PKNOX2: variants seen among roughly 807,000 people sequenced by gnomAD.
The protein encoded by PKNOX2 is PBX/knotted 1 homeobox 2, also known as homeobox protein PKNOX2.
In PKNOX2, 14 loss-of-function variants were observed where a neutral mutation model predicts 53.1. The ratio of observed to expected loss-of-function variants is 0.26; its 90% CI spans 0.17 to 0.41. PKNOX2 has a LOEUF of 0.41. PKNOX2 is among the 10% of genes least tolerant of loss of function. PKNOX2 has a pLI of 1.00. For missense variants in PKNOX2, 496 were observed against 602.8 expected (o/e 0.82, Z 1.85); for synonymous variants, 257 against 242.8 (o/e 1.06, Z -0.54).
At chr11:125,390,511 T>A (rs1327849667) in intron 6 of PKNOX2, among the ~76,000 whole-genome samples, 2 of 152,252 alleles carry the variant, frequency 1.3e-5, no homozygotes, top group Non-Finnish European at 2.9e-5. Flanking sequence ...GTGAGGAAAT[T>A]ACAGCTTAGA....
rs1565462529 is a variant in PKNOX2, at chr11:125,178,681, AG to A, written c.-201+13906del. 3.7e-4 allele frequency among the ~76,000 whole-genome samples: 22 copies of A among 59,996 alleles called. 1 individual carries two copies. Among genetic ancestry groups the A allele is most frequent in the African/African-American group, 1.2e-3 (14 of 12,162 alleles). The allele number at this position is 59,996 out of a possible 152,430, so 39.4% of individuals were successfully genotyped here. On this transcript the variant is annotated intron_variant, in intron 1 of 12. Coordinates refer to ENST00000298282, the MANE Select transcript of PKNOX2 (RefSeq NM_001382323.2). ...AGGAAGGAAGGAAGGAAAGAAAGAG[AG>A]AGAGAGAGAGAGAGAGAAAGAAAGA...
intron 2 of PKNOX2, among the ~76,000 whole-genome samples, chr11:125,291,271 C>G (rs1326018013): frequency 6.6e-6 from 1 of 152,164 alleles, no homozygotes; most frequent in Non-Finnish European, 1.5e-5. Context: ...GGTCCTTCTC[C>G]CAGCAGCTGG....
In PKNOX2 at chr11:125,233,210, C is replaced by T. The variant is rs569002672; in HGVS notation, c.-200-1835C>T. On this transcript the variant is annotated intron_variant, in intron 1 of 12. Transcript: ENST00000298282. ...ATCTAGCCCTCCAGCACAGTAACTG[C>T]TTTTCTCAGCTTTGCATCATGTGCA... Among the ~76,000 whole-genome samples the T allele has an allele frequency of 9.8e-5, 15 of 152,292 alleles. 1 individual carries two copies. In the South Asian group the frequency reaches 3.1e-3, roughly 32 times the overall value.
intron 6 of PKNOX2, among the ~76,000 whole-genome samples, chr11:125,389,979 G>A (rs1037615881): frequency 2.6e-5 from 4 of 152,272 alleles, no homozygotes; most frequent in Non-Finnish European, 5.9e-5. Context: ...GGCACCTGAA[G>A]GAATCAGGCC....
chr11:125,231,728 G>C (rs1473706829), intron 1 of PKNOX2, among the ~76,000 whole-genome samples: 1 of 152,074 alleles, frequency 6.6e-6, no homozygotes, highest in African/African-American at 2.4e-5. Flanking sequence ...TGGGGGGTGT[G>C]TGTGTGTGTG....
chr11:125,424,586 C>T (rs957907569), intron 10 of PKNOX2, among the ~76,000 whole-genome samples: 4 of 152,142 alleles, frequency 2.6e-5, no homozygotes, highest in Admixed American at 1.3e-4. Flanking sequence ...TCTGGTGCAG[C>T]GCTGCTGATG....
chr11:125,345,161 G>A lies in PKNOX2; in HGVS notation c.-22-6123G>A, dbSNP rs1170441741. 4.6e-5 allele frequency among the ~76,000 whole-genome samples: 7 copies of A among 152,174 alleles called. 1 individual carries two copies. The highest frequency in any genetic ancestry group is 1.4e-4 in the African/African-American group (6 of 41,454). On this transcript the variant is annotated intron_variant, in intron 3 of 12. Coordinates refer to ENST00000298282, the MANE Select transcript of PKNOX2 (RefSeq NM_001382323.2). ...CAGCACCCACAGTCCCTGGGGTGAA[G>A]AGGCAGGCGAGGGTGTTTGCTGTGC...
At chr11:125,353,950 G>A (rs1362218267) in intron 4 of PKNOX2, among the ~76,000 whole-genome samples, 1 of 152,136 alleles carries the variant, frequency 6.6e-6, no homozygotes, top group Non-Finnish European at 1.5e-5. Context: ...GGGAGCTGGG[G>A]GATGCCCCCA....
chr11:125,189,187 C>G (rs1284926196), intron 1 of PKNOX2, among the ~76,000 whole-genome samples: 1 of 151,256 alleles, frequency 6.6e-6, no homozygotes, highest in Non-Finnish European at 1.5e-5. Flanking sequence ...TTCCATCCAG[C>G]TTGGAGCAGG....
chr11:125,365,920 C>T (rs966791766), intron 4 of PKNOX2, among the ~76,000 whole-genome samples: 25 of 152,198 alleles, frequency 1.6e-4, no homozygotes, highest in African/African-American at 4.1e-4. Flanking sequence ...GTGCCCAGCA[C>T]GGTGCCTGGT....
Position 125,166,054 on chromosome 11 carries a change from G to A in PKNOX2, c.-201+1278G>A, listed in dbSNP as rs550049038. Among the ~76,000 whole-genome samples the A allele has an allele frequency of 1.3e-5, 2 of 152,068 alleles. No homozygotes were observed. The highest frequency in any genetic ancestry group is 2.9e-5 in the Non-Finnish European group (2 of 68,016). ...GTGGATCGGCCTGAATTAGGGCTGG[G>A]TTTTAGGACCAGTCTAGAGTTCGGT... On this transcript the variant is annotated intron_variant, in intron 1 of 12. Transcript: ENST00000298282. The surrounding 1 kb of genome is among the most constrained non-coding windows in gnomAD (Gnocchi z 4.0).
intron 1 of PKNOX2, among the ~76,000 whole-genome samples, chr11:125,201,800 C>T (rs1938471006): frequency 6.6e-6 from 1 of 152,214 alleles, no homozygotes; most frequent in African/African-American, 2.4e-5. Flanking sequence ...CTCAGGCACT[C>T]CTGGCTCCTT....
intron 5 of PKNOX2, among the ~76,000 whole-genome samples, chr11:125,384,759 G>A (rs556995810): frequency 9.3e-5 from 14 of 151,252 alleles, no homozygotes; most frequent in East Asian, 2.0e-4. Context: ...AGAACCCCCC[G>A]CCCCGACCAC....
chr11:125,432,635 A>AAGG lies in PKNOX2; in HGVS notation c.*1253_*1255dup, dbSNP rs376748022. On this transcript the variant is annotated 3_prime_UTR_variant, in exon 13 of 13. Transcript: ENST00000298282. ...GCCCTGGAGGAACTGGGGCTCCTGG[A>AAGG]AGGAGGAGGAGGCTCTCCACTGTCC... 1.4e-4 allele frequency: 21 copies of AAGG among 152,894 alleles called. No homozygotes were observed. Among genetic ancestry groups the AAGG allele is most frequent in the African/African-American group, 4.3e-4 (18 of 41,586 alleles). The allele number at this position is 152,894 out of a possible 1,614,324, so 9.5% of individuals were successfully genotyped here.
intron 2 of PKNOX2, among the ~76,000 whole-genome samples, chr11:125,299,867 C>A (rs1306951930): frequency 2.0e-5 from 3 of 152,212 alleles, no homozygotes; most frequent in Non-Finnish European, 4.4e-5. Flanking sequence ...AGCTGTGGAA[C>A]AAACCAAAAG....
chr11:125,260,648 G>T (rs983800292), intron 2 of PKNOX2, among the ~76,000 whole-genome samples: 1 of 152,170 alleles, frequency 6.6e-6, no homozygotes, highest in Admixed American at 6.5e-5. Context: ...TGGGGGTGAC[G>T]TCTCCCTAGT....
chr11:125,296,013 C>G (rs749920661), intron 2 of PKNOX2, among the ~76,000 whole-genome samples: 1 of 152,120 alleles, frequency 6.6e-6, no homozygotes, highest in Non-Finnish European at 1.5e-5. Context: ...GGTGGGGTCC[C>G]CCTGACTCCT....
At chr11:125,191,314 G>T (rs1366793070) in intron 1 of PKNOX2, 2 of 152,196 alleles carry the variant, frequency 1.3e-5, no homozygotes, top group African/African-American at 2.4e-5. Flanking sequence ...GCTACTGCCT[G>T]TGTGTTGATT....
chr11:125,319,814 T>C lies in PKNOX2; in HGVS notation c.-129-12005T>C, dbSNP rs145797470. 7.4e-4 allele frequency among the ~76,000 whole-genome samples: 113 copies of C among 152,300 alleles called. No individual in the cohort carries two copies. In the East Asian group the frequency reaches 0.018, roughly 24 times the overall value. On this transcript the variant is annotated intron_variant, in intron 2 of 12. Coordinates refer to ENST00000298282, the MANE Select transcript of PKNOX2 (RefSeq NM_001382323.2). The stretch of plus-strand genomic sequence containing the variant: ...ACCTTCCAGGAACATGGGTAGCTTG[T>C]GCAAAGGCCCTGTGGTGGGAAGAAG...
Sources: allele counts gnomAD v4.1 joint callset (sites outside exome capture counted in the v4.1 genomes callset), GRCh38; gene constraint gnomAD v4.1.1; non-coding constraint Gnocchi (gnomAD v3.1); transcripts MANE v1.5; gene names NCBI Gene and HGNC (gene_info 2026-07-23, HGNC 2026-07-21).